The following RSU1 variants were observed in gnomAD, a reference collection of about 807,000 sequenced individuals.
RSU1 encodes rsu-1.
Under a neutral mutation model 31.1 loss-of-function variants are expected in RSU1, and 26 were observed. The observed-to-expected ratio is 0.84, with a 90% CI of 0.61 to 1.16. The LOEUF (loss-of-function observed/expected upper bound fraction) is 1.16. RSU1 is among the 50% of genes most tolerant of loss of function. The probability of loss-of-function intolerance (pLI) is 0.00; values close to 1 mark genes in which losing one functional copy is unlikely to be tolerated. For synonymous variants in RSU1, 164 were observed against 136.3 expected, an observed-to-expected ratio of 1.20 and a Z score of -1.41; for missense variants, 320 against 339.1, an observed-to-expected ratio of 0.94 and a Z score of 0.44.
chr10:16,620,184 A>C (rs1422080644), intron 8 of RSU1, among the ~76,000 whole-genome samples: 1 of 152,218 alleles, frequency 6.6e-6, no homozygotes, highest in Non-Finnish European at 1.5e-5. Flanking sequence ...TTTCTCATAA[A>C]AAAGTAGGGA....
chr10:16,659,301 C>CT (rs869035739), intron 8 of RSU1, among the ~76,000 whole-genome samples: 1,382 of 100,780 alleles, frequency 0.014, 13 homozygotes, highest in Non-Finnish European at 0.02. Flanking sequence ...AGGTTATATT[C>CT]TTTTTTTTTT....
At chr10:16,812,494 T>C (rs1401498689) in intron 2 of RSU1, among the ~76,000 whole-genome samples, 1 of 151,886 alleles carries the variant, frequency 6.6e-6, no homozygotes, top group East Asian at 1.9e-4. Flanking sequence ...ATAGATTATA[T>C]CTAAAATTAC....
chr10:16,797,191 A>C (rs1244089626), intron 2 of RSU1, among the ~76,000 whole-genome samples: 1 of 152,174 alleles, frequency 6.6e-6, no homozygotes, highest in Non-Finnish European at 1.5e-5. Context: ...TGGATAAGAC[A>C]GAAATAATAG....
chr10:16,607,884 GAC>G (rs1833831701), intron 8 of RSU1, among the ~76,000 whole-genome samples: 1 of 152,116 alleles, frequency 6.6e-6, no homozygotes, highest in South Asian at 2.1e-4. Context: ...GTTTTTTTGA[GAC>G]AGAGTCTTGC....
intron 7 of RSU1, among the ~76,000 whole-genome samples, chr10:16,700,820 C>T (rs17139052): frequency 1.3e-5 from 2 of 152,138 alleles, no homozygotes; most frequent in Non-Finnish European, 2.9e-5. Context: ...TATAGCCATA[C>T]TGTGAAATGC....
At chr10:16,813,658 T>A (rs1347479662) in intron 2 of RSU1, among the ~76,000 whole-genome samples, 1 of 152,212 alleles carries the variant, frequency 6.6e-6, no homozygotes, top group Non-Finnish European at 1.5e-5. Context: ...GGTTACACAG[T>A]ACTAACTAGC....
intron 3 of RSU1, among the ~76,000 whole-genome samples, chr10:16,766,437 C>T (rs1365605615): frequency 3.3e-5 from 5 of 152,144 alleles, no homozygotes; most frequent in Non-Finnish European, 5.9e-5. Context: ...TCACCAGGGC[C>T]GGGAGCGGTG....
chr10:16,731,876 T>A lies in RSU1; in HGVS notation c.598+20663A>T, dbSNP rs571064205. Among the ~76,000 whole-genome samples, 3 of 152,094 alleles carry A rather than the reference T, an allele frequency of 2.0e-5. No individual in the cohort carries two copies. The East Asian group carries it at 5.8e-4, about 29-fold the overall frequency. ...CATTTATCTCCAACGCTTTTGAGAG[T>A]GGTTAAGATAAGCCGATATTGTTGG... On this transcript the variant is annotated intron_variant, in intron 7 of 8. Coordinates refer to ENST00000345264, the MANE Select transcript of RSU1 (RefSeq NM_012425.4).
chr10:16,685,616 G>A (rs1397601199), intron 8 of RSU1, among the ~76,000 whole-genome samples: 1 of 152,192 alleles, frequency 6.6e-6, no homozygotes, highest in African/African-American at 2.4e-5. Flanking sequence ...AGGACGACCA[G>A]AGGTTACTCT....
chr10:16,622,406 A>G (rs1029985415), intron 8 of RSU1, among the ~76,000 whole-genome samples: 1 of 152,218 alleles, frequency 6.6e-6, no homozygotes, highest in Non-Finnish European at 1.5e-5. Context: ...GAAGCGTTCT[A>G]AAGAGGGCAA....
chr10:16,811,115 GAC>G (rs199701584), intron 2 of RSU1, among the ~76,000 whole-genome samples: 418 of 152,064 alleles, frequency 2.7e-3, no homozygotes, highest in African/African-American at 9.6e-3. Context: ...TTTGTATAAA[GAC>G]ACACACACTC....
intron 3 of RSU1, chr10:16,767,304 C>A (rs867448295): frequency 9.2e-5 from 14 of 152,252 alleles, no homozygotes; most frequent in African/African-American, 2.4e-4. Context: ...GAATTACTGC[C>A]GTCTTCCCGA....
rs574365430 is a variant in RSU1, at chr10:16,754,020, C to T, written c.400+851G>A. ...AAGTGATCTTTGTAGCTCATACTCC[C>T]GAGAACTGCATGTTAATATAACATA... is the stretch of plus-strand genomic sequence containing the variant. On this transcript the variant is annotated intron_variant, in intron 5 of 8. Coordinates refer to ENST00000345264, the MANE Select transcript of RSU1 (RefSeq NM_012425.4). 1.3e-4 allele frequency among the ~76,000 whole-genome samples: 20 copies of T among 152,194 alleles called. No individual in the cohort carries two copies. The South Asian group carries it at 1.9e-3, about 14-fold the overall frequency.
At chr10:16,610,922 GTCCTTATT>G (rs1833882144) in intron 8 of RSU1, among the ~76,000 whole-genome samples, 1 of 152,094 alleles carries the variant, frequency 6.6e-6, no homozygotes, top group Non-Finnish European at 1.5e-5. Context: ...TTTTCCCAAT[GTCCTTATT>G]TGTAATAGTT....
At chr10:16,634,001 C>T (rs1834302511) in intron 8 of RSU1, among the ~76,000 whole-genome samples, 1 of 152,208 alleles carries the variant, frequency 6.6e-6, no homozygotes, top group Non-Finnish European at 1.5e-5. Flanking sequence ...AGTGCACGAT[C>T]TCACACTGAC....
intron 8 of RSU1, among the ~76,000 whole-genome samples, chr10:16,594,597 CAT>C (rs1833575048): frequency 6.9e-6 from 1 of 144,506 alleles, no homozygotes; most frequent in African/African-American, 2.5e-5. Flanking sequence ...ATATATATAT[CAT>C]ATATAATATC....
chr10:16,747,690 C>T (rs78640932), intron 7 of RSU1, among the ~76,000 whole-genome samples: 2,302 of 152,320 alleles, frequency 0.015, 27 homozygotes, highest in Non-Finnish European at 0.023. Context: ...CACCCTTGCC[C>T]TCTGCCCTCC....
At chr10:16,776,881 G>A (rs981208237) in intron 3 of RSU1, among the ~76,000 whole-genome samples, 11 of 149,500 alleles carry the variant, frequency 7.4e-5, no homozygotes, top group African/African-American at 2.4e-4. Flanking sequence ...AAGATGAGAT[G>A]GCCATCATTT....
chr10:16,719,390 CATCAGACA>C (rs1266197292), intron 7 of RSU1, among the ~76,000 whole-genome samples: 1 of 152,136 alleles, frequency 6.6e-6, no homozygotes, highest in African/African-American at 2.4e-5. Flanking sequence ...AGTCCCTTTC[CATCAGACA>C]ATGGTGGCTC....
Sources: allele counts gnomAD v4.1 joint callset (sites outside exome capture counted in the v4.1 genomes callset), GRCh38; gene constraint gnomAD v4.1.1; transcripts MANE v1.5; gene names NCBI Gene and HGNC (gene_info 2026-07-23, HGNC 2026-07-21).